The following AGBL4 variants were observed in gnomAD, a reference collection of about 807,000 sequenced individuals.
AGBL4 encodes cytosolic carboxypeptidase 6.
A neutral mutation model predicts 66.4 loss-of-function variants in AGBL4; 58 were observed. That is an observed-to-expected ratio of 0.87 (90% CI 0.71 to 1.09). The LOEUF is 1.09. AGBL4 is among the 50% of genes least tolerant of loss of function. The pLI is 0.00. For synonymous variants in AGBL4, 234 were observed against 222.9 expected, an observed-to-expected ratio of 1.05 and a Z score of -0.44; for missense variants, 579 against 631.0, an observed-to-expected ratio of 0.92 and a Z score of 0.88.
At chr1:48,983,735 T>A (rs1454060518) in intron 5 of AGBL4, among the ~76,000 whole-genome samples, 2 of 152,178 alleles carry the variant, frequency 1.3e-5, no homozygotes, top group African/African-American at 4.8e-5. Context: ...GCAAATTAAT[T>A]AATCTCTGTG....
intron 3 of AGBL4, among the ~76,000 whole-genome samples, chr1:49,380,568 G>A (rs1282536483): frequency 5.6e-4 from 85 of 152,110 alleles, no homozygotes; most frequent in Non-Finnish European, 3.4e-4. Context: ...CAAAGCTGGA[G>A]GCATCACGCT....
chr1:49,300,011 T>C (rs1162391148), intron 3 of AGBL4, among the ~76,000 whole-genome samples: 1 of 152,188 alleles, frequency 6.6e-6, no homozygotes, highest in Non-Finnish European at 1.5e-5. Flanking sequence ...AATATTTTGT[T>C]GATGTTAATT....
chr1:49,561,925 C>G (rs1008486440), intron 3 of AGBL4, among the ~76,000 whole-genome samples: 18 of 152,028 alleles, frequency 1.2e-4, no homozygotes, highest in African/African-American at 2.2e-4. Context: ...GTCCCACCAA[C>G]AGTGTAAAAG....
intron 4 of AGBL4, among the ~76,000 whole-genome samples, chr1:49,245,292 ACAC>A (rs1303608540): frequency 5.3e-5 from 8 of 150,426 alleles, no homozygotes; most frequent in African/African-American, 1.7e-4. Flanking sequence ...ACACACACAC[ACAC>A]AAAACACAAA....
intron 6 of AGBL4, among the ~76,000 whole-genome samples, chr1:48,801,294 G>C (rs926230765): frequency 2.0e-5 from 3 of 152,154 alleles, no homozygotes; most frequent in Non-Finnish European, 4.4e-5. Flanking sequence ...CTCCCTGCCT[G>C]CCCACACCGT....
intron 9 of AGBL4, among the ~76,000 whole-genome samples, chr1:48,621,967 C>G (rs1166811677): frequency 6.6e-6 from 1 of 151,726 alleles, no homozygotes; most frequent in African/African-American, 2.4e-5. Context: ...TTTTCTCTCT[C>G]TCTTTTGAAT....
chr1:49,318,614 T>C (rs1645080392), intron 3 of AGBL4, among the ~76,000 whole-genome samples: 1 of 152,092 alleles, frequency 6.6e-6, no homozygotes, highest in African/African-American at 2.4e-5. Context: ...ATATTTAGAA[T>C]GTATTGCCAA....
chr1:49,151,282 ATAT>A (rs1347517943), intron 4 of AGBL4, among the ~76,000 whole-genome samples: 14 of 136,524 alleles, frequency 1.0e-4, no homozygotes, highest in East Asian at 4.1e-4. Context: ...AAAAAAAAAA[ATAT>A]ATATATATAT....
At chr1:48,937,273 A>G (rs1487841336) in intron 5 of AGBL4, among the ~76,000 whole-genome samples, 2 of 152,192 alleles carry the variant, frequency 1.3e-5, no homozygotes, top group Non-Finnish European at 2.9e-5. Context: ...TAGAGCTATG[A>G]TTAGCTTTAG....
intron 3 of AGBL4, among the ~76,000 whole-genome samples, chr1:49,436,368 T>C (rs556983717): frequency 6.6e-6 from 1 of 152,264 alleles, no homozygotes; most frequent in African/African-American, 2.4e-5. Flanking sequence ...CATATGATTA[T>C]AATTAGGTCA....
chr1:49,852,099 T>C (rs1646318286), intron 1 of AGBL4, among the ~76,000 whole-genome samples: 1 of 152,172 alleles, frequency 6.6e-6, no homozygotes. Context: ...TCACCTAAGA[T>C]GTAGAAAAAT....
At chr1:49,272,741 T>C (rs958349119) in intron 3 of AGBL4, among the ~76,000 whole-genome samples, 3 of 152,096 alleles carry the variant, frequency 2.0e-5, no homozygotes, top group Non-Finnish European at 4.4e-5. Flanking sequence ...AACTGGAAAG[T>C]CTTTATGTCT....
At chr1:49,124,486 C>T (rs1387782294) in intron 4 of AGBL4, among the ~76,000 whole-genome samples, 1 of 152,202 alleles carries the variant, frequency 6.6e-6, no homozygotes, top group East Asian at 1.9e-4. Context: ...CCAACCCTGA[C>T]CGTAGCACTG....
intron 2 of AGBL4, among the ~76,000 whole-genome samples, chr1:49,813,231 T>C (rs1258779311): frequency 6.6e-6 from 1 of 152,144 alleles, no homozygotes; most frequent in Non-Finnish European, 1.5e-5. Flanking sequence ...CTCCTCACTA[T>C]ACCACTAGTA....
intron 2 of AGBL4, among the ~76,000 whole-genome samples, chr1:49,778,980 C>G (rs569526060): frequency 6.6e-6 from 1 of 152,162 alleles, no homozygotes; most frequent in East Asian, 1.9e-4. Context: ...AAAGATGCTG[C>G]CAGCATGGAA....
At chr1:49,711,097 C>T (rs1174839325) in intron 2 of AGBL4, among the ~76,000 whole-genome samples, 2 of 151,944 alleles carry the variant, frequency 1.3e-5, no homozygotes, top group African/African-American at 2.4e-5. Context: ...TTGGCCCCAC[C>T]AAGCGATAAC....
intron 8 of AGBL4, among the ~76,000 whole-genome samples, chr1:48,651,402 C>T (rs1645927747): frequency 1.3e-5 from 2 of 152,162 alleles, no homozygotes; most frequent in Non-Finnish European, 1.5e-5. Flanking sequence ...GCTAGTCCTT[C>T]CCGAGACAGC....
intron 2 of AGBL4, among the ~76,000 whole-genome samples, chr1:49,725,953 A>C (rs1026111874): frequency 4.6e-5 from 7 of 152,142 alleles, no homozygotes; most frequent in Non-Finnish European, 7.3e-5. Context: ...GTGAAAAAGG[A>C]AACTAAATAA....
At chr1:49,651,471 G>A (rs993259497) in intron 3 of AGBL4, among the ~76,000 whole-genome samples, 1 of 152,162 alleles carries the variant, frequency 6.6e-6, no homozygotes, top group Admixed American at 6.6e-5. Context: ...GCTAATGTAA[G>A]ACAGACGCTT....
Sources: allele counts gnomAD v4.1 joint callset (sites outside exome capture counted in the v4.1 genomes callset), GRCh38; gene constraint gnomAD v4.1.1; transcripts MANE v1.5; gene names NCBI Gene and HGNC (gene_info 2026-07-23, HGNC 2026-07-21).